PFKFB2: variants seen among roughly 807,000 people sequenced by gnomAD.
PFKFB2 encodes 6-phosphofructo-2-kinase/fructose-2,6-biphosphatase 2.
A neutral mutation model predicts 68.0 loss-of-function variants in PFKFB2; 53 were observed. The observed-to-expected ratio is 0.78, with a 90% CI of 0.63 to 0.98. PFKFB2 has a LOEUF of 0.98. PFKFB2 is among the 50% of genes least tolerant of loss of function. The pLI is 0.00. For synonymous variants in PFKFB2, 222 were observed against 227.6 expected (o/e 0.98, Z 0.22); for missense variants, 451 against 642.0 (o/e 0.70, Z 3.22).
intron 2 of PFKFB2, chr1:207,045,926 T>C (rs940366386): frequency 4.6e-5 from 7 of 152,102 alleles, no homozygotes; most frequent in Admixed American, 3.9e-4. Flanking sequence ...CACTTGACTA[T>C]GCTAATTTCA....
intron 1 of PFKFB2, among the ~76,000 whole-genome samples, chr1:207,040,885 G>A (rs966387335): frequency 1.3e-4 from 19 of 145,534 alleles, no homozygotes; most frequent in African/African-American, 4.6e-4. Context: ...AAAAAACTAC[G>A]TTTTACTTTT....
rs533882488 is a variant in PFKFB2, at chr1:207,064,347, A to G, written c.507+518A>G. Reference sequence around the variant, plus strand: ...ACATGTCCAGGGAGGTTGAGGCTGCAGTGAGCCATGATTGTGCCACTGCAG... The same window carrying G: ...ACATGTCCAGGGAGGTTGAGGCTGCGGTGAGCCATGATTGTGCCACTGCAG... On this transcript the variant is annotated intron_variant, in intron 7 of 14. Transcript: ENST00000367080. Among the ~76,000 whole-genome samples, 44 of 152,142 alleles carry G rather than the reference A, an allele frequency of 2.9e-4. No individual in the cohort carries two copies. In the South Asian group the frequency reaches 2.9e-3, roughly 10 times the overall value.
chr1:207,068,072 A>G, intron 9 of PFKFB2, 91 bp from the exon 10 acceptor site: 2 of 1,163,656 alleles, frequency 1.7e-6, no homozygotes, highest in South Asian at 3.1e-5. Context: ...CCAAGTTAGC[A>G]GGCTTTGTGT....
At chr1:207,052,351 G>C, upstream of PFKFB2, 1 of 862,574 alleles carries the variant, frequency 1.2e-6, no homozygotes. Context: ...TAGGAGGGAA[G>C]GTAGGAGTGG....
chr1:207,047,046 G>C (rs1350791476), intron 2 of PFKFB2: 1 of 152,374 alleles, frequency 6.6e-6, no homozygotes, highest in Non-Finnish European at 1.5e-5. Flanking sequence ...TTAATTTACA[G>C]TTTTAAATTT....
chr1:207,073,177 TGA>T lies in PFKFB2; in HGVS notation c.*808_*809del. 2 of 985,618 alleles carry T rather than the reference TGA, an allele frequency of 2.0e-6. No individual in the cohort carries two copies. The highest frequency in any genetic ancestry group is 2.4e-6 in the Non-Finnish European group (2 of 830,036). 61.1% of individuals were successfully genotyped at this position (985,618 alleles called of 1,614,324 possible). Reference sequence around the variant, plus strand: ...TCGATGCCCTGGGAGAATCTGGCTCTGAGCATGTGGGAAATGTCTTGGTTTTT... The same window carrying T: ...TCGATGCCCTGGGAGAATCTGGCTCTGCATGTGGGAAATGTCTTGGTTTTT... On this transcript the variant is annotated 3_prime_UTR_variant, in exon 15 of 15. Coordinates refer to ENST00000367080, the MANE Select transcript of PFKFB2 (RefSeq NM_006212.2).
At chr1:207,071,631 C>G in intron 14 of PFKFB2, 58 bp downstream of exon 14, 2 of 1,268,752 alleles carry the variant, frequency 1.6e-6, no homozygotes, top group East Asian at 2.3e-5. Flanking sequence ...GTCTCTGAAG[C>G]TTTGACATCA....
At chr1:207,039,817 G>C (rs1682443977) in intron 1 of PFKFB2, among the ~76,000 whole-genome samples, 1 of 152,194 alleles carries the variant, frequency 6.6e-6, no homozygotes, top group African/African-American at 2.4e-5. Context: ...AAGGACACAG[G>C]CCTGGATCAA....
At position 207,044,149 on chromosome 1, in the gene PFKFB2, T is replaced by C. The variant is rs1446008902; in HGVS notation, c.-18+1937T>C. 2.0e-5 allele frequency: 3 copies of C among 152,622 alleles called. No homozygotes were observed. The East Asian group carries it at 5.8e-4, about 29-fold the overall frequency. The allele number at this position is 152,622 out of a possible 1,614,324, so 9.5% of individuals were successfully genotyped here. A position where few individuals can be genotyped will look rare whatever the true frequency, so the allele number is the denominator to read the frequency against. On this transcript the variant is annotated intron_variant, in intron 2 of 5. Coordinates refer to the PFKFB2 transcript ENST00000545806. ...TTTTTCAAGTCATATTCTAAAGCTC[T>C]AATTTGACGGTCTTTACTTGTGGTT...
chr1:207,075,399 C>G lies in PFKFB2; in HGVS notation c.*3028C>G, dbSNP rs1683592735. The G allele has an allele frequency of 1.0e-6, 1 of 985,382 alleles. No homozygotes were observed. The highest frequency in any genetic ancestry group is 1.2e-6 in the Non-Finnish European group (1 of 829,908). 61.0% of individuals were successfully genotyped at this position (985,382 alleles called of 1,614,324 possible). A position where few individuals can be genotyped will look rare whatever the true frequency, so the allele number is the denominator to read the frequency against. ...TCAGAGAAGTCTAGCAGGAAGAAGCCAGGAGAATGTAGAATGGAAAAGAGC... is the reference window on the plus strand; with the variant it reads ...TCAGAGAAGTCTAGCAGGAAGAAGCGAGGAGAATGTAGAATGGAAAAGAGC... On this transcript the variant is annotated 3_prime_UTR_variant, in exon 15 of 15. Coordinates refer to ENST00000367080, the MANE Select transcript of PFKFB2 (RefSeq NM_006212.2).
chr1:207,041,074 G>A (rs1479609040), intron 1 of PFKFB2, among the ~76,000 whole-genome samples: 19 of 151,678 alleles, frequency 1.3e-4, no homozygotes, highest in African/African-American at 4.1e-4. Context: ...GACTACAGGC[G>A]CCCGCCACCA....
intron 1 of PFKFB2, among the ~76,000 whole-genome samples, chr1:207,041,029 C>T (rs1441713814): frequency 2.7e-5 from 4 of 149,870 alleles, no homozygotes; most frequent in Admixed American, 6.7e-5. Context: ...CCCAGGTTCA[C>T]GCCATTCTCC....
intron 8 of PFKFB2, among the ~76,000 whole-genome samples, chr1:207,066,592 G>A (rs920277670): frequency 6.6e-6 from 1 of 152,072 alleles, no homozygotes; most frequent in African/African-American, 2.4e-5. Context: ...TGGTAGTAGG[G>A]TGATGCGTGA....
At chr1:207,042,549 CAAAAAAAAAA>C (rs57077682) in intron 2 of PFKFB2, among the ~76,000 whole-genome samples, 1,666 of 44,626 alleles carry the variant, frequency 0.037, 17 homozygotes, top group South Asian at 0.083. Flanking sequence ...CTCTGTCTCA[CAAAAAAAAAA>C]AAAAAAAAAA....
At position 207,069,512 on chromosome 1, in the gene PFKFB2, G is replaced by A. The variant is rs900639002; in HGVS notation, c.1076G>A (p.Arg359Gln). 1 of 1,611,542 alleles carries A rather than the reference G, an allele frequency of 6.2e-7. No individual in the cohort carries two copies. Among genetic ancestry groups the A allele is most frequent in the African/African-American group, 1.3e-5 (1 of 74,972 alleles). The change falls in exon 11 of 15, where the codon CGA (arginine) becomes CAA (glutamine). Residue 359 changes from arginine to glutamine, a missense_variant. By Grantham distance (43) the Arg-to-Gln change is conservative. Transcript: ENST00000367080. ...ALRDQEKYLYRYPGGESYQDL... is the reference protein window; with the variant it reads ...ALRDQEKYLYQYPGGESYQDL... Reference sequence around the variant, plus strand: ...CGAGATCAAGAGAAGTATCTGTATCGATATCCTGGTGGGGAGGTAAGACGC... The same window carrying A: ...CGAGATCAAGAGAAGTATCTGTATCAATATCCTGGTGGGGAGGTAAGACGC...
chr1:207,063,487 G>A lies in PFKFB2; in HGVS notation c.450+66G>A, dbSNP rs771864234. 7.4e-6 allele frequency: 8 copies of A among 1,079,222 alleles called. No homozygotes were observed. The highest frequency in any genetic ancestry group is 1.1e-5 in the Non-Finnish European group (8 of 706,120). The allele number at this position is 1,079,222 out of a possible 1,614,324, so 66.9% of individuals were successfully genotyped here. On this transcript the variant is annotated intron_variant, in intron 6 of 14. Transcript: ENST00000367080. The surrounding 1 kb of genome is among the most constrained non-coding windows in gnomAD (Gnocchi z 4.1). ...AGGTGGGGAGTCAGGCTACAGGCAT[G>A]GATCTCTCACTCTAGTGGGTGAGGA... is the stretch of plus-strand genomic sequence containing the variant.
Position 207,063,037 on chromosome 1 carries a change from G to A in PFKFB2, c.309-106G>A, listed in dbSNP as rs1683163971. 1.1e-6 allele frequency: 1 copy of A among 950,882 alleles called. No individual in the cohort carries two copies. The highest frequency in any genetic ancestry group is 1.3e-5 in the South Asian group (1 of 76,712). The allele number at this position is 950,882 out of a possible 1,614,324, so 58.9% of individuals were successfully genotyped here. A position where few individuals can be genotyped will look rare whatever the true frequency, so the allele number is the denominator to read the frequency against. ...AGTTAGAGAAAGGTTTTGAACAGTG[G>A]GAAACTAAGTGGGCAGGGATGTGAC... is the stretch of plus-strand genomic sequence containing the variant. On this transcript the variant is annotated intron_variant, in intron 4 of 14. Coordinates refer to ENST00000367080, the MANE Select transcript of PFKFB2 (RefSeq NM_006212.2). This position sits in a 1 kb window ranked among gnomAD's most constrained non-coding sequence, Gnocchi z 4.1.
chr1:207,052,182 C>T (rs1682768564), upstream of PFKFB2: 6 of 1,612,604 alleles, frequency 3.7e-6, no homozygotes, highest in African/African-American at 2.7e-5. Context: ...GGTGCAAACT[C>T]ACCTCCACTG....
At chr1:207,049,475 TA>T, upstream of PFKFB2, 1 of 1,614,238 alleles carries the variant, frequency 6.2e-7, no homozygotes, top group Non-Finnish European at 8.5e-7. Flanking sequence ...ATTGCCTCAC[TA>T]TAGAAGTCTG....
Sources: gnomAD v4.1 joint callset for allele counts (sites outside exome capture counted in the v4.1 genomes callset) on GRCh38, gnomAD v4.1.1 for gene constraint, Gnocchi (gnomAD v3.1) non-coding constraint, MANE v1.5 for transcripts, NCBI Gene and HGNC (gene_info 2026-07-23, HGNC 2026-07-21) for gene names.